The following FAM89A variants were observed in gnomAD, a reference collection of about 807,000 sequenced individuals.
The protein encoded by FAM89A is protein FAM89A.
In FAM89A, 10 loss-of-function variants were observed where a neutral mutation model predicts 7.1. The ratio of observed to expected loss-of-function variants is 1.40; its 90% confidence interval spans 0.86 to 2.38. FAM89A has a LOEUF of 2.38. FAM89A is among the 30% of genes most tolerant of loss of function. FAM89A has a pLI of 0.00. For synonymous variants in FAM89A, 157 were observed against 129.3 expected (o/e 1.21, Z -1.45); for missense variants, 276 against 262.8 (o/e 1.05, Z -0.35).
rs1680233427 is a variant in FAM89A at position 231,040,013 on chromosome 1, C to A, written c.199G>T (p.Gly67Trp). ...CGGGCCCCGCCGCCGCCCGGGCCCC[C>A]GCGGCTCAGCTCGTCCTGGATGCGC... Reference protein sequence around the residue: ...KSRIQDELSRGGPGGGGARAA... With the variant: ...KSRIQDELSRWGPGGGGARAA... Residue 67 changes from glycine to tryptophan, a missense_variant, in exon 1 of 2, where the codon GGG (glycine) becomes TGG (tryptophan). Physicochemically the swap from Gly to Trp is radical, Grantham distance 184. Transcript: ENST00000366654. 1.4e-6 allele frequency: 2 copies of A among 1,423,210 alleles called. No homozygotes were observed. Among genetic ancestry groups the A allele is most frequent in the Non-Finnish European group, 1.8e-6 (2 of 1,091,280 alleles). The allele number at this position is 1,423,210 out of a possible 1,614,324, so 88.2% of individuals were successfully genotyped here. A position where few individuals can be genotyped will look rare whatever the true frequency, so the allele number is the denominator to read the frequency against.
Position 231,020,217 on chromosome 1 carries a change from A to C in FAM89A, c.292-91T>G, listed in dbSNP as rs1408138598. 4.6e-6 allele frequency: 6 copies of C among 1,308,688 alleles called. No homozygotes were observed. In the East Asian group the frequency reaches 1.2e-4, roughly 27 times the overall value. The allele number at this position is 1,308,688 out of a possible 1,614,324, so 81.1% of individuals were successfully genotyped here. A position where few individuals can be genotyped will look rare whatever the true frequency, so the allele number is the denominator to read the frequency against. On this transcript the variant is annotated intron_variant, in intron 1 of 1. Coordinates refer to ENST00000366654, the MANE Select transcript of FAM89A (RefSeq NM_198552.3). ...ACTCAGCCGGCGATCTGCGCCTGCC[A>C]GCACATTCCTTCCACACGGCGCATG... is the stretch of plus-strand genomic sequence containing the variant.
At chr1:231,022,552 G>T (rs1232784270) in intron 1 of FAM89A, among the ~76,000 whole-genome samples, 1 of 152,042 alleles carries the variant, frequency 6.6e-6, no homozygotes, top group South Asian at 2.1e-4. Flanking sequence ...AGTGTCTGCC[G>T]GTCGACCAAT....
chr1:231,032,837 G>C (rs1409976434), intron 1 of FAM89A, among the ~76,000 whole-genome samples: 1 of 152,160 alleles, frequency 6.6e-6, no homozygotes, highest in African/African-American at 2.4e-5. Flanking sequence ...GGGAGCTCTG[G>C]GCAGAGGACA....
In FAM89A at chr1:231,019,272, GC is replaced by G. The variant is rs1679828136; in HGVS notation, c.*590del. ...TGATATAAAATTTTGGTTGAAAAAA[GC>G]CAGTTGATTGGGATGACTAGAAATG... On this transcript the variant is annotated 3_prime_UTR_variant, in exon 2 of 2. Transcript: ENST00000366654. 1 of 150,886 alleles carries G rather than the reference GC, an allele frequency of 6.6e-6. No individual in the cohort carries two copies. The highest frequency in any genetic ancestry group is 1.5e-5 in the Non-Finnish European group (1 of 67,872). 9.3% of individuals were successfully genotyped at this position (150,886 alleles called of 1,614,324 possible). A position where few individuals can be genotyped will look rare whatever the true frequency, so the allele number is the denominator to read the frequency against.
intron 1 of FAM89A, among the ~76,000 whole-genome samples, chr1:231,022,493 G>A (rs751699596): frequency 7.9e-5 from 12 of 152,098 alleles, no homozygotes; most frequent in Non-Finnish European, 1.6e-4. Context: ...GAAATTTTCC[G>A]TTTGGAAAGT....
chr1:231,031,547 A>T (rs1680069703), intron 1 of FAM89A, among the ~76,000 whole-genome samples: 1 of 152,242 alleles, frequency 6.6e-6, no homozygotes, highest in South Asian at 2.1e-4. Context: ...ATAACCAAAA[A>T]GTCACATTTG....
intron 1 of FAM89A, chr1:231,026,009 G>A (rs1679962632): frequency 6.5e-6 from 1 of 153,728 alleles, no homozygotes; most frequent in Non-Finnish European, 1.5e-5. Flanking sequence ...CTCCCTGCCT[G>A]GGTTCAGATC....
intron 1 of FAM89A, among the ~76,000 whole-genome samples, chr1:231,034,406 A>T (rs940970294): frequency 1.3e-5 from 2 of 152,246 alleles, no homozygotes; most frequent in African/African-American, 4.8e-5. Context: ...TGTATCACAT[A>T]GTTTATTAAC....
At chr1:231,035,910 CT>C (rs1427613422) in intron 1 of FAM89A, among the ~76,000 whole-genome samples, 1 of 152,218 alleles carries the variant, frequency 6.6e-6, no homozygotes, top group Non-Finnish European at 1.5e-5. Flanking sequence ...AAAATACAAT[CT>C]TGTCCTTGTC....
chr1:231,023,214 A>G (rs1294360915), intron 1 of FAM89A, among the ~76,000 whole-genome samples: 3 of 152,062 alleles, frequency 2.0e-5, no homozygotes, highest in Non-Finnish European at 2.9e-5. Context: ...CATCCTTCCC[A>G]ACCCCGTGCC....
intron 1 of FAM89A, among the ~76,000 whole-genome samples, chr1:231,034,137 T>C (rs1335882232): frequency 1.3e-5 from 2 of 152,196 alleles, no homozygotes; most frequent in African/African-American, 4.8e-5. Flanking sequence ...TCCCATTCTT[T>C]GCATTCAAGG....
rs768948299 is a variant in FAM89A, at chr1:231,019,794, A to C, written c.*69T>G. The C allele has an allele frequency of 6.5e-7, 1 of 1,538,802 alleles. No individual in the cohort carries two copies. Among genetic ancestry groups the C allele is most frequent in the Non-Finnish European group, 8.8e-7 (1 of 1,133,362 alleles). On this transcript the variant is annotated 3_prime_UTR_variant, in exon 2 of 2. Coordinates refer to ENST00000366654, the MANE Select transcript of FAM89A (RefSeq NM_198552.3). ...CAACGGAGGTGCTTTCTTGCAAGAG[A>C]AGCAGCAAATGATGACAGCGTGTCC...
At chr1:231,038,328 T>G (rs1426286427) in intron 1 of FAM89A, among the ~76,000 whole-genome samples, 3 of 152,212 alleles carry the variant, frequency 2.0e-5, no homozygotes, top group African/African-American at 7.2e-5. Context: ...AAAATACTTC[T>G]GGGAATGGCA....
chr1:231,026,084 A>T (rs1679964571), intron 1 of FAM89A: 1 of 154,438 alleles, frequency 6.5e-6, no homozygotes, highest in African/African-American at 2.4e-5. Context: ...AAAAAAAAAA[A>T]AAAAATCAAT....
chr1:231,028,210 G>A (rs1220397491), intron 1 of FAM89A, among the ~76,000 whole-genome samples: 7 of 152,160 alleles, frequency 4.6e-5, no homozygotes, highest in Non-Finnish European at 1.0e-4. Flanking sequence ...GCCGCCGAGT[G>A]CCCTGTACAC....
chr1:231,031,598 T>A (rs1680070262), intron 1 of FAM89A, among the ~76,000 whole-genome samples: 1 of 152,202 alleles, frequency 6.6e-6, no homozygotes, highest in Admixed American at 6.5e-5. Flanking sequence ...TCTGAAAGAA[T>A]CTCAGGGGCC....
chr1:231,022,506 G>A (rs554966596), intron 1 of FAM89A, among the ~76,000 whole-genome samples: 2 of 152,206 alleles, frequency 1.3e-5, no homozygotes, highest in Non-Finnish European at 2.9e-5. Flanking sequence ...TGGAAAGTTT[G>A]CCCCAGCTTT....
chr1:231,023,618 G>A (rs1399438476), intron 1 of FAM89A, among the ~76,000 whole-genome samples: 3 of 152,158 alleles, frequency 2.0e-5, no homozygotes, highest in African/African-American at 4.8e-5. Flanking sequence ...CTTTAGACGG[G>A]GCTGAAGGAG....
rs1298197292 is a variant in FAM89A at position 231,019,370 on chromosome 1, C to A, written c.*493G>T. On this transcript the variant is annotated 3_prime_UTR_variant, in exon 2 of 2. Coordinates refer to ENST00000366654, the MANE Select transcript of FAM89A (RefSeq NM_198552.3). The stretch of plus-strand genomic sequence containing the variant: ...TAATGCAGCTTACAAATAAATAAAG[C>A]TGAGGCGAGAGGTTTAAACAGCAAG... The A allele has an allele frequency of 6.5e-6, 1 of 152,952 alleles. No homozygotes were observed. Among genetic ancestry groups the A allele is most frequent in the Admixed American group, 6.5e-5 (1 of 15,440 alleles). The allele number at this position is 152,952 out of a possible 1,614,324, so 9.5% of individuals were successfully genotyped here.
Sources: gnomAD v4.1 joint callset for allele counts (sites outside exome capture counted in the v4.1 genomes callset) on GRCh38, gnomAD v4.1.1 for gene constraint, MANE v1.5 for transcripts, NCBI Gene and HGNC (gene_info 2026-07-23, HGNC 2026-07-21) for gene names.